The following CLSTN2 variants were observed in gnomAD, a reference collection of about 807,000 sequenced individuals.
CLSTN2 encodes the protein calsyntenin 2.
In CLSTN2, 48 loss-of-function variants were observed where a neutral mutation model predicts 101.2. The observed-to-expected ratio is 0.47, with a 90% CI of 0.38 to 0.60. CLSTN2 has a LOEUF of 0.60. CLSTN2 is among the 20% of genes least tolerant of loss of function. The pLI, the probability that CLSTN2 is intolerant of heterozygous loss-of-function variation, is 0.00. For missense variants in CLSTN2, 1,160 were observed against 1,238.2 expected (o/e 0.94, Z 0.95); for synonymous variants, 481 against 463.6 (o/e 1.04, Z -0.48).
At chr3:140,414,601 A>G (rs1038146764) in intron 4 of CLSTN2, among the ~76,000 whole-genome samples, 11 of 152,064 alleles carry the variant, frequency 7.2e-5, no homozygotes, top group Non-Finnish European at 1.3e-4. Flanking sequence ...GATAAAAAAA[A>G]CTACCCATTG....
intron 1 of CLSTN2, among the ~76,000 whole-genome samples, chr3:140,056,515 C>T (rs781767324): frequency 5.9e-5 from 9 of 152,168 alleles, no homozygotes; most frequent in Non-Finnish European, 1.3e-4. Flanking sequence ...TCTGTATCCT[C>T]AGCCTGGGTG....
intron 2 of CLSTN2, among the ~76,000 whole-genome samples, chr3:140,348,716 A>G (rs2087575623): frequency 1.3e-5 from 2 of 152,208 alleles, no homozygotes; most frequent in Non-Finnish European, 2.9e-5. Context: ...CACACCACAT[A>G]TGTAATAGCC....
chr3:140,321,823 G>A (rs1386068322), intron 2 of CLSTN2, among the ~76,000 whole-genome samples: 5 of 152,184 alleles, frequency 3.3e-5, no homozygotes, highest in Non-Finnish European at 4.4e-5. Context: ...CTATTTTAAT[G>A]TCTAGTACAG....
At chr3:140,063,974 C>A (rs1454438380) in intron 1 of CLSTN2, among the ~76,000 whole-genome samples, 1 of 152,122 alleles carries the variant, frequency 6.6e-6, no homozygotes, top group East Asian at 1.9e-4. Context: ...GTGTTCAATC[C>A]CAGAAGCCCC....
chr3:140,568,692 G>A lies in CLSTN2; in HGVS notation c.*2439G>A, dbSNP rs998289153. On this transcript the variant is annotated 3_prime_UTR_variant, in exon 17 of 17. Transcript: ENST00000458420. ...ATTTTGATTTTAAATATTTAAGTCT[G>A]GTGTTTGTGAGAACACTTTTCTCTT... The A allele has an allele frequency of 1.3e-5, 2 of 152,024 alleles. No homozygotes were observed. Among genetic ancestry groups the A allele is most frequent in the Non-Finnish European group, 1.5e-5 (1 of 68,014 alleles). The allele number at this position is 152,024 out of a possible 1,614,324, so 9.4% of individuals were successfully genotyped here.
intron 6 of CLSTN2, among the ~76,000 whole-genome samples, chr3:140,456,126 G>A (rs1315652247): frequency 6.6e-6 from 1 of 152,204 alleles, no homozygotes. Flanking sequence ...GTATCTGAGA[G>A]CTGGGCCTGC....
Position 140,558,691 on chromosome 3 carries a change from G to A in CLSTN2, c.1875G>A (p.Val625=). 5 of 1,614,058 alleles carry A rather than the reference G, an allele frequency of 3.1e-6. No homozygotes were observed. The highest frequency in any genetic ancestry group is 4.2e-6 in the Non-Finnish European group (5 of 1,180,014). Residue 625 remains valine, a synonymous_variant, in exon 12 of 17, where the codon GTG becomes GTA. Coordinates refer to ENST00000458420, the MANE Select transcript of CLSTN2 (RefSeq NM_022131.3). The stretch of plus-strand genomic sequence containing the variant: ...GTATCCCTGAGGTAGATGCCTATGT[G>A]ATGGTCCTCCAGGCCATCGAGCCCC... ...CISIPEVDAY[V]MVLQAIEPRI...
chr3:140,325,211 C>T (rs979973066), intron 2 of CLSTN2, among the ~76,000 whole-genome samples: 3 of 152,176 alleles, frequency 2.0e-5, no homozygotes, highest in African/African-American at 7.2e-5. Flanking sequence ...GATTAAAGTT[C>T]TAAGGATGCC....
chr3:140,113,016 C>T (rs2009180905), intron 1 of CLSTN2, among the ~76,000 whole-genome samples: 1 of 152,004 alleles, frequency 6.6e-6, no homozygotes. Context: ...CTGATGGCTG[C>T]CTTAGTCTTC....
At chr3:140,091,677 T>C (rs2008782351) in intron 1 of CLSTN2, among the ~76,000 whole-genome samples, 1 of 152,246 alleles carries the variant, frequency 6.6e-6, no homozygotes, top group African/African-American at 2.4e-5. Flanking sequence ...ACAGCTCCAC[T>C]CTGGGCCTTC....
chr3:140,441,123 TAAAAGCA>T (rs1466533271), intron 5 of CLSTN2, among the ~76,000 whole-genome samples: 1 of 152,206 alleles, frequency 6.6e-6, no homozygotes, highest in Non-Finnish European at 1.5e-5. Flanking sequence ...TATGAATTCC[TAAAAGCA>T]AGAAGCAAGA....
chr3:140,515,573 T>G (rs553091240), intron 8 of CLSTN2, among the ~76,000 whole-genome samples: 2 of 152,302 alleles, frequency 1.3e-5, no homozygotes, highest in Admixed American at 6.5e-5. Flanking sequence ...GTATCACTAT[T>G]ATAATTCAAT....
intron 8 of CLSTN2, among the ~76,000 whole-genome samples, chr3:140,523,159 T>A (rs191912640): frequency 6.6e-6 from 1 of 152,156 alleles, no homozygotes; most frequent in African/African-American, 2.4e-5. Flanking sequence ...GGCGTCTAAC[T>A]TCTCGGAGGT....
At chr3:140,205,162 C>T (rs1467439931) in intron 2 of CLSTN2, among the ~76,000 whole-genome samples, 1 of 152,184 alleles carries the variant, frequency 6.6e-6, no homozygotes, top group Non-Finnish European at 1.5e-5. Context: ...GGTTAAGTAA[C>T]TTGCCAAAGA....
intron 2 of CLSTN2, among the ~76,000 whole-genome samples, chr3:140,300,882 A>T (rs1023272428): frequency 2.0e-5 from 3 of 152,136 alleles, no homozygotes; most frequent in African/African-American, 7.2e-5. Flanking sequence ...AAGTCCCATT[A>T]TCTGCTGTCT....
At chr3:139,939,293 G>A (rs1283684766) in intron 1 of CLSTN2, among the ~76,000 whole-genome samples, 1 of 152,190 alleles carries the variant, frequency 6.6e-6, no homozygotes, top group Non-Finnish European at 1.5e-5. Context: ...TACAACACAT[G>A]CAGAGCCAGT....
chr3:139,953,221 G>A (rs1298554157), intron 1 of CLSTN2, among the ~76,000 whole-genome samples: 1 of 152,038 alleles, frequency 6.6e-6, no homozygotes. Flanking sequence ...CTATCATATG[G>A]GCAGGGCATA....
At chr3:140,093,920 A>G (rs1385887769) in intron 1 of CLSTN2, among the ~76,000 whole-genome samples, 1 of 152,232 alleles carries the variant, frequency 6.6e-6, no homozygotes, top group East Asian at 1.9e-4. Context: ...GAGTCCAGAT[A>G]TGGCAAGAAC....
intron 1 of CLSTN2, among the ~76,000 whole-genome samples, chr3:140,117,910 T>C (rs958982874): frequency 2.6e-5 from 4 of 152,230 alleles, no homozygotes; most frequent in Admixed American, 2.6e-4. Context: ...CAGGATGCCC[T>C]GCTGCTAAAT....
Sources: gnomAD v4.1 joint callset for allele counts (sites outside exome capture counted in the v4.1 genomes callset) on GRCh38, gnomAD v4.1.1 for gene constraint, MANE v1.5 for transcripts, NCBI Gene and HGNC (gene_info 2026-07-23, HGNC 2026-07-21) for gene names.